CDC7: variants seen among roughly 807,000 people sequenced by gnomAD.
CDC7 encodes cell division cycle 7.
In CDC7, 34 loss-of-function variants were observed where a neutral mutation model predicts 53.5. The observed-to-expected ratio is 0.64, with a 90% CI of 0.48 to 0.85. The LOEUF is 0.85. Ranked by LOEUF, CDC7 falls within the 40% of genes least tolerant of loss-of-function variation. The pLI is 0.00. For synonymous variants in CDC7, 211 were observed against 222.8 expected (o/e 0.95, Z 0.47); for missense variants, 594 against 679.7 (o/e 0.87, Z 1.40).
chr1:91,521,809 A>T (rs979693582), intron 11 of CDC7, among the ~76,000 whole-genome samples: 3 of 152,128 alleles, frequency 2.0e-5, no homozygotes, highest in Admixed American at 6.6e-5. Context: ...AATACTCTAG[A>T]TCAAGTGCCA....
Position 91,511,683 on chromosome 1 carries a change from C to T in CDC7, c.422C>T (p.Ser141Leu). 6.2e-7 allele frequency: 1 copy of T among 1,606,456 alleles called. No individual in the cohort carries two copies. Among genetic ancestry groups the T allele is most frequent in the Non-Finnish European group, 8.5e-7 (1 of 1,174,462 alleles). The part of the protein sequence containing the change: ...VIAMPYLEHE[S>L]FLDILNSLSF... Reference sequence around the variant, plus strand: ...GCTATGCCATATCTGGAGCATGAGTCGTTTTTGGTAGGTTTTAATATTTCT... The same window carrying T: ...GCTATGCCATATCTGGAGCATGAGTTGTTTTTGGTAGGTTTTAATATTTCT... Residue 141 changes from serine to leucine, a missense_variant, in exon 5 of 12, where the codon TCG (serine) becomes TTG (leucine). Physicochemically the swap from Ser to Leu is moderately radical, Grantham distance 145. Transcript: ENST00000234626.
rs527296877 is a variant in CDC7 at position 91,520,231 on chromosome 1, A to G, written c.1282A>G (p.Met428Val). ...TGATTTAACTGCTTTGGCCCAAATT[A>G]TGACAATTAGGGGATCCAGAGAAAC... ...SDDLTALAQI[M>V]TIRGSRETIQ... Residue 428 changes from methionine to valine, a missense_variant, in exon 11 of 12, where the codon ATG becomes GTG. Met to Val is a conservative substitution (Grantham distance 21). Coordinates refer to ENST00000234626, the MANE Select transcript of CDC7 (RefSeq NM_003503.4). The G allele has an allele frequency of 9.3e-6, 15 of 1,608,710 alleles. No individual in the cohort carries two copies. Among genetic ancestry groups the G allele is most frequent in the African/African-American group, 1.3e-5 (1 of 74,804 alleles).
chr1:91,517,014 A>T (rs768081231), intron 10 of CDC7, among the ~76,000 whole-genome samples: 15 of 152,148 alleles, frequency 9.9e-5, no homozygotes, highest in Admixed American at 6.5e-5. Flanking sequence ...GCAGTGAGCC[A>T]AGATCGCACC....
chr1:91,505,035 G>A (rs1666909702), intron 2 of CDC7, among the ~76,000 whole-genome samples: 1 of 152,150 alleles, frequency 6.6e-6, no homozygotes, highest in African/African-American at 2.4e-5. Flanking sequence ...AGGAAGTATT[G>A]GGGAAGGAGA....
intron 2 of CDC7, 94 bp from the exon 3 acceptor site, chr1:91,507,759 AT>A: frequency 2.4e-6 from 2 of 836,504 alleles, no homozygotes; most frequent in Non-Finnish European, 3.7e-6. Context: ...AATTACTCAT[AT>A]TTTATAATTT....
intron 1 of CDC7, 95 bp from the exon 2 acceptor site, chr1:91,501,558 GT>G (rs1398505789): frequency 1.5e-5 from 10 of 651,324 alleles, no homozygotes; most frequent in Non-Finnish European, 2.2e-5. Flanking sequence ...CACATCGTGC[GT>G]TTGAAAATGT....
chr1:91,508,200 GA>G, intron 3 of CDC7, 61 bp from the exon 4 acceptor site: 6 of 1,358,330 alleles, frequency 4.4e-6, no homozygotes, highest in Non-Finnish European at 6.1e-6. Flanking sequence ...ATCTATCTTA[GA>G]ATTGTTTCAT....
rs1417828698 is a variant in CDC7, at chr1:91,524,096, T to A, written c.1386T>A (p.Cys462Ter). Residue 462 changes from cysteine to a stop codon, truncating the protein, a stop_gained, in exon 12 of 12, where the codon TGT becomes TGA. Coordinates refer to ENST00000234626, the MANE Select transcript of CDC7 (RefSeq NM_003503.4). LOFTEE classifies it low-confidence loss of function (END_TRUNC). Reference protein sequence around the residue: ...EVPAQDLRKLCERLRGMDSST... With the variant: ...EVPAQDLRKL ...CAGCACAAGACTTGAGAAAACTCTG[T>A]GAGAGACTCAGGGGTATGGATTCTA... 3 of 1,613,780 alleles carry A rather than the reference T, an allele frequency of 1.9e-6. No homozygotes were observed. In the South Asian group the frequency reaches 3.3e-5, roughly 18 times the overall value.
rs762151142 is a variant in CDC7 at position 91,515,888 on chromosome 1, T to C, written c.1180+12T>C. The C allele has an allele frequency of 6.3e-7, 1 of 1,597,158 alleles. No individual in the cohort carries two copies. Among genetic ancestry groups the C allele is most frequent in the Non-Finnish European group, 8.6e-7 (1 of 1,164,798 alleles). On this transcript the variant is annotated intron_variant, in intron 10 of 11. Transcript: ENST00000234626. Reference sequence around the variant, plus strand: ...CAATCAAACTACAGGTATGTTGTACTGGAAATACAGAACCTAGTTAAAATG... The same window carrying C: ...CAATCAAACTACAGGTATGTTGTACCGGAAATACAGAACCTAGTTAAAATG...
Position 91,515,871 on chromosome 1 carries a change from C to A in CDC7, c.1175C>A (p.Thr392Asn), listed in dbSNP as rs1437052024. Residue 392 changes from threonine (T) to asparagine (N), a missense_variant, in exon 10 of 12, where the codon ACT becomes AAT. Coordinates refer to ENST00000234626, the MANE Select transcript of CDC7 (RefSeq NM_003503.4). ...GTCTTGACAAAGTGCCCCAATCAAA[C>A]TACAGGTATGTTGTACTGGAAATAC... is the stretch of plus-strand genomic sequence containing the variant. ...PEVLTKCPNQ[T>N]TAIDMWSAGV... 1 of 1,612,484 alleles carries A rather than the reference C, an allele frequency of 6.2e-7. No homozygotes were observed. The highest frequency in any genetic ancestry group is 1.3e-5 in the African/African-American group (1 of 74,884).
rs55787737 is a variant in CDC7 at position 91,518,093 on chromosome 1, C to CAA, written c.1181-2015_1181-2014dup. ...TGAGCAACAGAGTGAGACTCAGTCT[C>CAA]AAAAAAAAAAAAAAAAAAAAAAAGG... is the stretch of plus-strand genomic sequence containing the variant. On this transcript the variant is annotated intron_variant, in intron 10 of 11. Coordinates refer to ENST00000234626, the MANE Select transcript of CDC7 (RefSeq NM_003503.4). Among the ~76,000 whole-genome samples the CAA allele has an allele frequency of 4.1e-3, 187 of 46,012 alleles. 34 individuals carry two copies. Among genetic ancestry groups the CAA allele is most frequent in the East Asian group, 0.013 (16 of 1,186 alleles). 30.2% of individuals were successfully genotyped at this position (46,012 alleles called of 152,430 possible).
intron 2 of CDC7, among the ~76,000 whole-genome samples, chr1:91,506,166 A>G (rs948632619): frequency 2.0e-5 from 3 of 152,042 alleles, no homozygotes; most frequent in African/African-American, 7.3e-5. Flanking sequence ...TACAAAGCCC[A>G]GCTAATTTTT....
At position 91,510,051 on chromosome 1, in the gene CDC7, C is replaced by T. The variant is rs528657860; in HGVS notation, c.336-1546C>T. Among the ~76,000 whole-genome samples, 3 of 152,140 alleles carry T rather than the reference C, an allele frequency of 2.0e-5. No homozygotes were observed. The South Asian group carries it at 6.2e-4, about 32-fold the overall frequency. ...GCAACCTAGCAAGAACCCATCTTTA[C>T]AAAAAACTTAAAAATTATCCAGGCA... On this transcript the variant is annotated intron_variant, in intron 4 of 11. Coordinates refer to ENST00000234626, the MANE Select transcript of CDC7 (RefSeq NM_003503.4).
chr1:91,515,097 G>A, intron 9 of CDC7, 100 bp downstream of exon 9: 1 of 894,454 alleles, frequency 1.1e-6, no homozygotes, highest in East Asian at 2.6e-5. Context: ...GATCAGTTCA[G>A]ATCAGTGAAC....
chr1:91,504,869 A>G (rs2102327028), intron 2 of CDC7, among the ~76,000 whole-genome samples: 1 of 152,352 alleles, frequency 6.6e-6, no homozygotes, highest in South Asian at 2.1e-4. Context: ...TCTGTTATAT[A>G]CATGTACTTT....
In CDC7 at chr1:91,505,791, T is replaced by G. The variant is rs1024275356; in HGVS notation, c.116-2063T>G. Among the ~76,000 whole-genome samples the G allele has an allele frequency of 1.3e-5, 2 of 152,206 alleles. 1 individual carries two copies. The highest frequency in any genetic ancestry group is 4.1e-4 in the South Asian group (2 of 4,834). On this transcript the variant is annotated intron_variant, in intron 2 of 11. Transcript: ENST00000234626. ...TACTGTTGTTTAAAATTGTTGAAGT[T>G]GTTCTGAAGTGACAGGAAACCTTAA...
At position 91,524,234 on chromosome 1, in the gene CDC7, C is replaced by T. The variant is rs751817440; in HGVS notation, c.1524C>T (p.Tyr508=). The change falls in exon 12 of 12, where the codon TAC becomes TAT. Residue 508 remains tyrosine, a synonymous_variant. Coordinates refer to ENST00000234626, the MANE Select transcript of CDC7 (RefSeq NM_003503.4). ...SCLVQTPPGQ[Y]SGNSFKKGDS... Reference sequence around the variant, plus strand: ...TCGTTCAAACACCTCCAGGACAATACTCAGGGAATTCATTTAAAAAGGGGG... The same window carrying T: ...TCGTTCAAACACCTCCAGGACAATATTCAGGGAATTCATTTAAAAAGGGGG... 2 of 1,613,888 alleles carry T rather than the reference C, an allele frequency of 1.2e-6. No homozygotes were observed. Among genetic ancestry groups the T allele is most frequent in the Non-Finnish European group, 1.7e-6 (2 of 1,179,852 alleles).
intron 2 of CDC7, among the ~76,000 whole-genome samples, chr1:91,506,823 GC>G (rs1183075731): frequency 6.6e-6 from 1 of 152,022 alleles, no homozygotes; most frequent in African/African-American, 2.4e-5. Context: ...GGTGTTGCGT[GC>G]CTGTAATTCC....
chr1:91,523,940 C>A, intron 11 of CDC7, 101 bp from the exon 12 acceptor site: 1 of 752,680 alleles, frequency 1.3e-6, no homozygotes, highest in African/African-American at 1.8e-5. Flanking sequence ...GTCTATAAAG[C>A]ATATGTTTGA....
Sources: gnomAD v4.1 joint callset for allele counts (sites outside exome capture counted in the v4.1 genomes callset) on GRCh38, gnomAD v4.1.1 for gene constraint, MANE v1.5 for transcripts, NCBI Gene and HGNC (gene_info 2026-07-23, HGNC 2026-07-21) for gene names.